Variants in HEATR5B observed in about 807,000 individuals in gnomAD.
HEATR5B encodes the protein HEAT repeat containing 5B, also known as HEAT repeat-containing protein 5B.
HEATR5B carries 156 observed loss-of-function variants against 224.1 expected under a neutral mutation model. The observed-to-expected ratio is 0.70, with a 90% CI of 0.61 to 0.80. HEATR5B has a LOEUF of 0.80. Among genes scored for constraint, HEATR5B ranks in the 30% least tolerant of loss-of-function variants. HEATR5B has a pLI of 0.00. For missense variants in HEATR5B, 2,323 were observed against 2,535.5 expected (o/e 0.92, Z 1.80); for synonymous variants, 1,027 against 893.0 (o/e 1.15, Z -2.68).
chr2:37,073,072 T>C (rs538020150), intron 5 of HEATR5B, among the ~76,000 whole-genome samples: 1 of 152,292 alleles, frequency 6.6e-6, no homozygotes, highest in South Asian at 2.1e-4. Flanking sequence ...TCCAGAAAAC[T>C]GAAGGGAACT....
chr2:37,043,039 C>T (rs920256907), intron 18 of HEATR5B, among the ~76,000 whole-genome samples: 26 of 152,040 alleles, frequency 1.7e-4, no homozygotes, highest in African/African-American at 6.0e-4. Context: ...AAATAATAGC[C>T]AACAACATAC....
chr2:37,018,196 A>T (rs1572816294), intron 26 of HEATR5B, among the ~76,000 whole-genome samples: 2 of 122,328 alleles, frequency 1.6e-5, no homozygotes, highest in Non-Finnish European at 3.3e-5. Flanking sequence ...AACTTCTTAT[A>T]AAAAAAAATG....
rs368995181 is a variant in HEATR5B, at chr2:37,032,764, A to G, written c.3226T>C (p.Cys1076Arg). The G allele has an allele frequency of 1.9e-6, 3 of 1,612,100 alleles. No homozygotes were observed. The highest frequency in any genetic ancestry group is 2.2e-5 in the East Asian group (1 of 44,886). Residue 1076 changes from cysteine to arginine, a missense_variant, in exon 22 of 36, where the codon TGT becomes CGT. Coordinates refer to ENST00000233099, the MANE Select transcript of HEATR5B (RefSeq NM_019024.3). ...CGTCGAAGTAACAAATGGGAACTACATAAGTGAACCTGTAAATCATAACAA... is the reference window on the plus strand; with the variant it reads ...CGTCGAAGTAACAAATGGGAACTACGTAAGTGAACCTGTAAATCATAACAA... ...SLVPSLCVHL[C>R]SSHLLLRRAA...
intron 26 of HEATR5B, 69 bp downstream of exon 26, chr2:37,019,740 C>T: frequency 8.7e-7 from 1 of 1,149,194 alleles, no homozygotes; most frequent in African/African-American, 1.6e-5. Flanking sequence ...TTCCTTTACA[C>T]AAGTTAAATT....
At chr2:37,083,502 A>G in intron 1 of HEATR5B, 66 bp from the exon 2 acceptor site, 1 of 1,188,680 alleles carries the variant, frequency 8.4e-7, no homozygotes, top group Non-Finnish European at 1.2e-6. Flanking sequence ...AGCTTAATGG[A>G]ATATACTCAC....
At chr2:37,005,588 CAA>C in intron 30 of HEATR5B, 42 bp downstream of exon 30, 1 of 1,536,874 alleles carries the variant, frequency 6.5e-7, no homozygotes. Flanking sequence ...AAGCAATACT[CAA>C]AAAAAAACCA....
chr2:36,988,604 T>A, intron 35 of HEATR5B, 42 bp downstream of exon 35: 2 of 1,489,054 alleles, frequency 1.3e-6, no homozygotes, highest in East Asian at 2.3e-5. Flanking sequence ...ACAATACAGA[T>A]CTTCATTCTG....
chr2:37,078,426 A>C (rs1672363299), intron 3 of HEATR5B, among the ~76,000 whole-genome samples: 1 of 152,212 alleles, frequency 6.6e-6, no homozygotes, highest in Non-Finnish European at 1.5e-5. Context: ...ATGAATGTAT[A>C]ATCAATTCTA....
chr2:37,027,752 G>A (rs1406173827), intron 24 of HEATR5B, among the ~76,000 whole-genome samples, 171 bp downstream of exon 24: 1 of 152,182 alleles, frequency 6.6e-6, no homozygotes, highest in Non-Finnish European at 1.5e-5. Context: ...ATCAGAAGAT[G>A]ACTAGTATGC....
At chr2:37,039,171 GA>G (rs772913828) in intron 20 of HEATR5B, among the ~76,000 whole-genome samples, 1,888 of 123,216 alleles carry the variant, frequency 0.015, 21 homozygotes, top group Admixed American at 0.026. Flanking sequence ...CTTAAAAAGA[GA>G]AAAAAAAAAA....
chr2:36,998,980 C>T (rs745611557), intron 33 of HEATR5B, among the ~76,000 whole-genome samples: 6 of 151,972 alleles, frequency 3.9e-5, no homozygotes, highest in South Asian at 2.1e-4. Context: ...TTTGGGAGGC[C>T]GAGGCAGGAG....
intron 16 of HEATR5B, among the ~76,000 whole-genome samples, chr2:37,054,027 C>T (rs1251016916): frequency 6.6e-6 from 1 of 151,330 alleles, no homozygotes; most frequent in Non-Finnish European, 1.5e-5. Context: ...TAGAATAGTA[C>T]CTCATGTCCT....
chr2:37,044,143 G>A (rs1217619074), intron 18 of HEATR5B, among the ~76,000 whole-genome samples: 1 of 151,966 alleles, frequency 6.6e-6, no homozygotes, highest in Non-Finnish European at 1.5e-5. Flanking sequence ...CACTCACAGC[G>A]TGTATCAATT....
intron 18 of HEATR5B, among the ~76,000 whole-genome samples, chr2:37,045,485 A>G (rs73924971): frequency 0.053 from 8,083 of 152,216 alleles, 725 homozygotes; most frequent in African/African-American, 0.18. Context: ...CGAGGGCTTC[A>G]CCTCAGGAGG....
At chr2:37,024,268 A>G (rs540064128) in intron 24 of HEATR5B, among the ~76,000 whole-genome samples, 1 of 152,310 alleles carries the variant, frequency 6.6e-6, no homozygotes, top group South Asian at 2.1e-4. Flanking sequence ...TATGTTGGTC[A>G]AAGTACATGG....
chr2:37,015,550 C>T (rs1169073892), intron 26 of HEATR5B, among the ~76,000 whole-genome samples: 2 of 151,956 alleles, frequency 1.3e-5, no homozygotes, highest in Non-Finnish European at 2.9e-5. Context: ...AAGGGAGATA[C>T]AAAAAGAGCA....
chr2:37,032,474 A>G (rs1253261199), intron 22 of HEATR5B, among the ~76,000 whole-genome samples, 155 bp downstream of exon 22: 1 of 152,238 alleles, frequency 6.6e-6, no homozygotes, highest in East Asian at 1.9e-4. Flanking sequence ...TATCAAGAAA[A>G]CCACATTGGA....
At chr2:37,005,569 TC>T (rs1487615591) in intron 30 of HEATR5B, 62 bp downstream of exon 30, 1 of 1,482,918 alleles carries the variant, frequency 6.7e-7, no homozygotes, top group Non-Finnish European at 9.3e-7. Context: ...CATCCTTTTT[TC>T]CATTGTAAAG....
chr2:36,983,656 A>G (rs1275613178), intron 35 of HEATR5B, among the ~76,000 whole-genome samples: 1 of 152,030 alleles, frequency 6.6e-6, no homozygotes, highest in Non-Finnish European at 1.5e-5. Flanking sequence ...TGAACCTGGG[A>G]GGCAGAGGTC....
Sources: gnomAD v4.1 joint callset for allele counts (sites outside exome capture counted in the v4.1 genomes callset) on GRCh38, gnomAD v4.1.1 for gene constraint, MANE v1.5 for transcripts, NCBI Gene and HGNC (gene_info 2026-07-23, HGNC 2026-07-21) for gene names.